ADRA2A: variants seen among roughly 807,000 people sequenced by gnomAD.
ADRA2A encodes alpha-2A adrenergic receptor.
Under a neutral mutation model 5.9 loss-of-function variants are expected in ADRA2A, and 6 were observed. That is an observed-to-expected ratio of 1.01 (90% CI 0.55 to 2.00). The LOEUF (loss-of-function observed/expected upper bound fraction) is 2.00. ADRA2A is among the 30% of genes most tolerant of loss of function. The pLI is 0.00. For missense variants in ADRA2A, 647 were observed against 690.0 expected (o/e 0.94, Z 0.70); for synonymous variants, 345 against 325.9 (o/e 1.06, Z -0.63).
chr10:111,079,711 C>A lies in ADRA2A; in HGVS notation c.*317C>A. On this transcript the variant is annotated 3_prime_UTR_variant, in exon 1 of 1. Transcript: ENST00000280155. ...TTCGCCTGGTACAGCCCTCACAGCTCTTCAGAGCAAGCACTGGACTACAAG... is the reference window on the plus strand; with the variant it reads ...TTCGCCTGGTACAGCCCTCACAGCTATTCAGAGCAAGCACTGGACTACAAG... 4.8e-6 allele frequency: 2 copies of A among 417,408 alleles called. No individual in the cohort carries two copies. The highest frequency in any genetic ancestry group is 9.0e-6 in the Non-Finnish European group (2 of 221,552). The allele number at this position is 417,408 out of a possible 1,614,324, so 25.9% of individuals were successfully genotyped here.
At position 111,080,576 on chromosome 10, in the gene ADRA2A, C is replaced by T. The variant is rs370008252; in HGVS notation, c.*1182C>T. Reference sequence around the variant, plus strand: ...TCAAAATGTTGTCCTTTCCCCCCTCCGTGCTTTTCTGGTTGAGATCATGTC... The same window carrying T: ...TCAAAATGTTGTCCTTTCCCCCCTCTGTGCTTTTCTGGTTGAGATCATGTC... On this transcript the variant is annotated 3_prime_UTR_variant, in exon 1 of 1. Coordinates refer to ENST00000280155, the MANE Select transcript of ADRA2A (RefSeq NM_000681.4). 2 of 167,026 alleles carry T rather than the reference C, an allele frequency of 1.2e-5. No individual in the cohort carries two copies. Among genetic ancestry groups the T allele is most frequent in the Non-Finnish European group, 2.9e-5 (2 of 68,112 alleles). 10.3% of individuals were successfully genotyped at this position (167,026 alleles called of 1,614,324 possible). A position where few individuals can be genotyped will look rare whatever the true frequency, so the allele number is the denominator to read the frequency against.
In ADRA2A at chr10:111,079,777, C is replaced by A. The variant is rs1843576236; in HGVS notation, c.*383C>A. 8.5e-6 allele frequency: 2 copies of A among 235,032 alleles called. No individual in the cohort carries two copies. Among genetic ancestry groups the A allele is most frequent in the Non-Finnish European group, 1.8e-5 (2 of 111,938 alleles). 14.6% of individuals were successfully genotyped at this position (235,032 alleles called of 1,614,324 possible). A position where few individuals can be genotyped will look rare whatever the true frequency, so the allele number is the denominator to read the frequency against. ...AGGTTAATGGATGGGGGTTACCTAG[C>A]CCTGGCTAATTCCCCTTCCATTCCC... On this transcript the variant is annotated 3_prime_UTR_variant, in exon 1 of 1. Coordinates refer to ENST00000280155, the MANE Select transcript of ADRA2A (RefSeq NM_000681.4).
rs1800035 is a variant in ADRA2A at position 111,078,794 on chromosome 10, C to T, written c.798C>T (p.Asn266=). Residue 266 remains asparagine, a synonymous_variant, in exon 1 of 1, where the codon AAC becomes AAT. Coordinates refer to ENST00000280155, the MANE Select transcript of ADRA2A (RefSeq NM_000681.4). ...APPGGTERRP[N]GLGPERSAGP... Reference sequence around the variant, plus strand: ...CGGGGGGCACCGAGCGCAGGCCCAACGGTCTGGGCCCCGAGCGCAGCGCGG... The same window carrying T: ...CGGGGGGCACCGAGCGCAGGCCCAATGGTCTGGGCCCCGAGCGCAGCGCGG... The T allele has an allele frequency of 4.5e-6, 6 of 1,343,750 alleles. No homozygotes were observed. Among genetic ancestry groups the T allele is most frequent in the South Asian group, 2.0e-5 (1 of 49,240 alleles). 83.2% of individuals were successfully genotyped at this position (1,343,750 alleles called of 1,614,324 possible).
At position 111,077,530 on chromosome 10, in the gene ADRA2A, C is replaced by G. The variant is rs1487051244; in HGVS notation, c.-467C>G. The G allele has an allele frequency of 1.3e-5, 2 of 152,552 alleles. No individual in the cohort carries two copies. The highest frequency in any genetic ancestry group is 4.8e-5 in the African/African-American group (2 of 41,588). The allele number at this position is 152,552 out of a possible 1,614,324, so 9.4% of individuals were successfully genotyped here. ...TCGCATCAGCACCCTTCGGCTGCCT[C>G]CCGGGGTGGGGGCGGGCCCCGCACA... On this transcript the variant is annotated 5_prime_UTR_variant, in exon 1 of 1. Coordinates refer to ENST00000280155, the MANE Select transcript of ADRA2A (RefSeq NM_000681.4).
At position 111,078,374 on chromosome 10, in the gene ADRA2A, G is replaced by T. The variant is rs778256687; in HGVS notation, c.378G>T (p.Ala126=). 4.3e-6 allele frequency: 7 copies of T among 1,613,986 alleles called. 1 individual carries two copies. The East Asian group carries it at 1.3e-4, about 31-fold the overall frequency. The change falls in exon 1 of 1, where the codon GCG becomes GCT. Residue 126 remains alanine, a synonymous_variant. Coordinates refer to ENST00000280155, the MANE Select transcript of ADRA2A (RefSeq NM_000681.4). ...AGGCTTGGTGCGAGATCTACCTGGC[G>T]CTCGACGTGCTCTTCTGCACGTCGT... is the stretch of plus-strand genomic sequence containing the variant. The part of the protein sequence containing the change: ...FGKAWCEIYL[A]LDVLFCTSSI...
At position 111,077,937 on chromosome 10, in the gene ADRA2A, C is replaced by A; in HGVS notation, c.-60C>A. Reference sequence around the variant, plus strand: ...GGGGCGCCGGAGGAAGAGGAGGACCCACGGGCGCCGGGCCGGAAGGCAGCT... The same window carrying A: ...GGGGCGCCGGAGGAAGAGGAGGACCAACGGGCGCCGGGCCGGAAGGCAGCT... On this transcript the variant is annotated 5_prime_UTR_variant, in exon 1 of 1. Coordinates refer to ENST00000280155, the MANE Select transcript of ADRA2A (RefSeq NM_000681.4). 1 of 1,340,620 alleles carries A rather than the reference C, an allele frequency of 7.5e-7. No individual in the cohort carries two copies. Among genetic ancestry groups the A allele is most frequent in the South Asian group, 2.1e-5 (1 of 48,680 alleles). The allele number at this position is 1,340,620 out of a possible 1,614,324, so 83.0% of individuals were successfully genotyped here.
rs370313798 is a variant in ADRA2A, at chr10:111,079,143, C to G, written c.1147C>G (p.Arg383Gly). Residue 383 changes from arginine (R) to glycine (G), a missense_variant, in exon 1 of 1, where the codon CGC becomes GGC. Arg to Gly is a moderately radical substitution (Grantham distance 125). This residue lies in a region of ADRA2A where 577 missense variants were observed against 605.4 expected (regional missense o/e 0.95). Coordinates refer to ENST00000280155, the MANE Select transcript of ADRA2A (RefSeq NM_000681.4). The part of the protein sequence containing the change: ...KASRWRGRQN[R>G]EKRFTFVLAV... ...GTCGCGCTGGCGCGGGCGGCAGAAC[C>G]GCGAGAAGCGCTTCACGTTCGTGCT... 5 of 1,607,156 alleles carry G rather than the reference C, an allele frequency of 3.1e-6. No homozygotes were observed. Among genetic ancestry groups the G allele is most frequent in the Non-Finnish European group, 4.3e-6 (5 of 1,176,216 alleles).
chr10:111,079,585 C>G lies in ADRA2A; in HGVS notation c.*191C>G. Reference sequence around the variant, plus strand: ...AAGGGAAGCTTCTTGCTGCCAGGCCCACACATCCCCAGTTGTTGGTTTGGC... The same window carrying G: ...AAGGGAAGCTTCTTGCTGCCAGGCCGACACATCCCCAGTTGTTGGTTTGGC... On this transcript the variant is annotated 3_prime_UTR_variant, in exon 1 of 1. Coordinates refer to ENST00000280155, the MANE Select transcript of ADRA2A (RefSeq NM_000681.4). 1.2e-5 allele frequency: 8 copies of G among 644,476 alleles called. No homozygotes were observed. Among genetic ancestry groups the G allele is most frequent in the Non-Finnish European group, 2.2e-5 (8 of 364,360 alleles). The allele number at this position is 644,476 out of a possible 1,614,324, so 39.9% of individuals were successfully genotyped here.
chr10:111,078,391 G>C lies in ADRA2A; in HGVS notation c.395G>C (p.Cys132Ser), dbSNP rs1226383620. 3 of 1,613,788 alleles carry C rather than the reference G, an allele frequency of 1.9e-6. No homozygotes were observed. Among genetic ancestry groups the C allele is most frequent in the Non-Finnish European group, 2.5e-6 (3 of 1,179,944 alleles). ...TACCTGGCGCTCGACGTGCTCTTCT[G>C]CACGTCGTCCATCGTGCACCTGTGC... Reference protein sequence around the residue: ...EIYLALDVLFCTSSIVHLCAI... With the variant: ...EIYLALDVLFSTSSIVHLCAI... Residue 132 changes from cysteine to serine, a missense_variant, in exon 1 of 1, where the codon TGC (cysteine) becomes TCC (serine). Around this residue, in one of 3 missense-constraint regions of ADRA2A, gnomAD observed 577 missense variants for 605.4 expected, o/e 0.95. Transcript: ENST00000280155.
chr10:111,078,954 C>G lies in ADRA2A; in HGVS notation c.958C>G (p.Pro320Ala). 1 of 1,238,850 alleles carries G rather than the reference C, an allele frequency of 8.1e-7. No individual in the cohort carries two copies. Among genetic ancestry groups the G allele is most frequent in the Non-Finnish European group, 1.0e-6 (1 of 991,802 alleles). 76.7% of individuals were successfully genotyped at this position (1,238,850 alleles called of 1,614,324 possible). Reference protein sequence around the residue: ...ESSSSDHAERPPGPRRPERGP... With the variant: ...ESSSSDHAERAPGPRRPERGP... The stretch of plus-strand genomic sequence containing the variant: ...CTCGTCTTCCGACCACGCCGAGCGG[C>G]CTCCAGGGCCCCGCAGACCCGAGCG... The change falls in exon 1 of 1, where the codon CCT becomes GCT. Residue 320 changes from proline to alanine, a missense_variant. Pro to Ala is a conservative substitution (Grantham distance 27). Coordinates refer to ENST00000280155, the MANE Select transcript of ADRA2A (RefSeq NM_000681.4).
chr10:111,077,952 G>A lies in ADRA2A; in HGVS notation c.-45G>A, dbSNP rs967752098. ...GAGGAGGACCCACGGGCGCCGGGCC[G>A]GAAGGCAGCTGGCAGCAGGCCCAGG... On this transcript the variant is annotated 5_prime_UTR_variant, in exon 1 of 1. Coordinates refer to ENST00000280155, the MANE Select transcript of ADRA2A (RefSeq NM_000681.4). 4.5e-6 allele frequency: 6 copies of A among 1,342,718 alleles called. No homozygotes were observed. Among genetic ancestry groups the A allele is most frequent in the Non-Finnish European group, 5.7e-6 (6 of 1,055,386 alleles). 83.2% of individuals were successfully genotyped at this position (1,342,718 alleles called of 1,614,324 possible).
Position 111,078,394 on chromosome 10 carries a change from C to T in ADRA2A, c.398C>T (p.Thr133Met). Residue 133 changes from threonine to methionine, a missense_variant, in exon 1 of 1, where the codon ACG becomes ATG. Thr to Met is a moderately conservative substitution (Grantham distance 81). Around this residue, in one of 3 missense-constraint regions of ADRA2A, gnomAD observed 577 missense variants for 605.4 expected, o/e 0.95. Transcript: ENST00000280155. Reference protein sequence around the residue: ...IYLALDVLFCTSSIVHLCAIS... With the variant: ...IYLALDVLFCMSSIVHLCAIS... ...CTGGCGCTCGACGTGCTCTTCTGCA[C>T]GTCGTCCATCGTGCACCTGTGCGCC... 6.2e-7 allele frequency: 1 copy of T among 1,614,004 alleles called. No homozygotes were observed. Among genetic ancestry groups the T allele is most frequent in the Non-Finnish European group, 8.5e-7 (1 of 1,179,996 alleles).
Position 111,079,190 on chromosome 10 carries a change from C to T in ADRA2A, c.1194C>T (p.Phe398=), listed in dbSNP as rs369392326. Reference sequence around the variant, plus strand: ...TGCTGGCCGTGGTCATCGGAGTGTTCGTGGTGTGCTGGTTCCCCTTCTTCT... The same window carrying T: ...TGCTGGCCGTGGTCATCGGAGTGTTTGTGGTGTGCTGGTTCCCCTTCTTCT... ...TFVLAVVIGV[F]VVCWFPFFFT... Residue 398 remains phenylalanine, a synonymous_variant, in exon 1 of 1, where the codon TTC becomes TTT. Coordinates refer to ENST00000280155, the MANE Select transcript of ADRA2A (RefSeq NM_000681.4). The T allele has an allele frequency of 7.6e-5, 123 of 1,613,908 alleles. No homozygotes were observed. The highest frequency in any genetic ancestry group is 1.6e-4 in the Middle Eastern group (1 of 6,084).
rs1800034 is a variant in ADRA2A at position 111,078,115 on chromosome 10, C to G, written c.119C>G (p.Ala40Gly). 6.9e-4 allele frequency: 1,099 copies of G among 1,583,488 alleles called. 10 individuals are homozygous for G. Among genetic ancestry groups the G allele is most frequent in the Non-Finnish European group, 1.5e-4 (171 of 1,168,910 alleles). The change falls in exon 1 of 1, where the codon GCC (alanine) becomes GGC (glycine). Residue 40 changes from alanine to glycine, a missense_variant. By Grantham distance (60) the Ala-to-Gly change is moderately conservative. Coordinates refer to ENST00000280155, the MANE Select transcript of ADRA2A (RefSeq NM_000681.4). ...GAGGCGCCGGGGGGCGGCGCCCGGG[C>G]CACCCCTTACTCCCTGCAGGTGACG... ...GTEAPGGGARATPYSLQVTLT... is the reference protein window; with the variant it reads ...GTEAPGGGARGTPYSLQVTLT...
chr10:111,079,100 C>G lies in ADRA2A; in HGVS notation c.1104C>G (p.Arg368=). ...CGGCTGCAGGGCCGGGGGAGGAGCG[C>G]GTCGGGGCTGCCAAGGCGTCGCGCT... The part of the protein sequence containing the change: ...GTPAAGPGEE[R]VGAAKASRWR... Residue 368 remains arginine, a synonymous_variant, in exon 1 of 1, where the codon CGC becomes CGG. Transcript: ENST00000280155. The G allele has an allele frequency of 6.4e-7, 1 of 1,551,648 alleles. No homozygotes were observed. Among genetic ancestry groups the G allele is most frequent in the East Asian group, 2.3e-5 (1 of 43,258 alleles).
Position 111,078,316 on chromosome 10 carries a change from C to T in ADRA2A, c.320C>T (p.Ala107Val). The T allele has an allele frequency of 6.2e-7, 1 of 1,614,056 alleles. No individual in the cohort carries two copies. The highest frequency in any genetic ancestry group is 1.1e-5 in the South Asian group (1 of 91,072). ...VATLVIPFSL[A>V]NEVMGYWYFG... ...ACGCTCGTCATCCCTTTCTCGCTGG[C>T]CAACGAGGTCATGGGCTACTGGTAC... is the stretch of plus-strand genomic sequence containing the variant. The change falls in exon 1 of 1, where the codon GCC becomes GTC. Residue 107 changes from alanine (A) to valine (V), a missense_variant. Around this residue, in one of 3 missense-constraint regions of ADRA2A, gnomAD observed 577 missense variants for 605.4 expected, o/e 0.95. Coordinates refer to ENST00000280155, the MANE Select transcript of ADRA2A (RefSeq NM_000681.4).
In ADRA2A at chr10:111,078,256, TG is replaced by T; in HGVS notation, c.262del (p.Val88CysfsTer71). The part of the protein sequence containing the change: ...RALKAPQNLF[L>X]VSLASADILV... ...CTCAAGGCGCCCCAAAACCTCTTCCTGGTGTCTCTGGCCTCGGCCGACATCC... is the reference window on the plus strand; with the variant it reads ...CTCAAGGCGCCCCAAAACCTCTTCCTGTGTCTCTGGCCTCGGCCGACATCC... On this transcript the variant is annotated frameshift_variant, in exon 1 of 1. Coordinates refer to ENST00000280155, the MANE Select transcript of ADRA2A (RefSeq NM_000681.4). LOFTEE classifies it low-confidence loss of function (END_TRUNC). 1 of 1,613,636 alleles carries T rather than the reference TG, an allele frequency of 6.2e-7. No homozygotes were observed. The highest frequency in any genetic ancestry group is 1.1e-5 in the South Asian group (1 of 91,062).
In ADRA2A at chr10:111,079,474, T is replaced by C; in HGVS notation, c.*80T>C. ...CGAGGGGTGCTTAGCCCCAGGGCAC[T>C]CAGAAACCCGGGCGCTGCCTGCTCT... On this transcript the variant is annotated 3_prime_UTR_variant, in exon 1 of 1. Coordinates refer to ENST00000280155, the MANE Select transcript of ADRA2A (RefSeq NM_000681.4). 1 of 1,489,910 alleles carries C rather than the reference T, an allele frequency of 6.7e-7. No individual in the cohort carries two copies. The highest frequency in any genetic ancestry group is 9.2e-7 in the Non-Finnish European group (1 of 1,084,010). The allele number at this position is 1,489,910 out of a possible 1,614,324, so 92.3% of individuals were successfully genotyped here. A position where few individuals can be genotyped will look rare whatever the true frequency, so the allele number is the denominator to read the frequency against.
In ADRA2A at chr10:111,077,221, G is replaced by GGA. The variant is rs1228688453; in HGVS notation, c.-772_-771dup. The GGA allele has an allele frequency of 6.6e-6, 1 of 152,470 alleles. No individual in the cohort carries two copies. The highest frequency in any genetic ancestry group is 1.5e-5 in the Non-Finnish European group (1 of 68,284). The allele number at this position is 152,470 out of a possible 1,614,324, so 9.4% of individuals were successfully genotyped here. A position where few individuals can be genotyped will look rare whatever the true frequency, so the allele number is the denominator to read the frequency against. On this transcript the variant is annotated 5_prime_UTR_variant, in exon 1 of 1. Coordinates refer to ENST00000280155, the MANE Select transcript of ADRA2A (RefSeq NM_000681.4). ...AACCCCTGCCTCCGTCGCGGCTCCT[G>GGA]GAGAGCTGATCGTTCACCTGCCCCG...
Sources: gnomAD v4.1 joint callset for allele counts on GRCh38, gnomAD v4.1.1 for gene constraint, gnomAD v4.1.1 regional missense constraint, MANE v1.5 for transcripts, NCBI Gene and HGNC (gene_info 2026-07-23, HGNC 2026-07-21) for gene names.